The following SPAG16 variants were observed in gnomAD, a reference collection of about 807,000 sequenced individuals.
SPAG16 encodes the protein sperm associated antigen 16, also known as sperm-associated antigen 16 protein.
A neutral mutation model predicts 80.4 loss-of-function variants in SPAG16; 86 were observed. The observed-to-expected ratio is 1.07, with a 90% CI of 0.90 to 1.28. SPAG16 has a LOEUF of 1.28. SPAG16 is among the 50% of genes most tolerant of loss of function. The pLI is 0.00. For synonymous variants in SPAG16, 294 were observed against 265.9 expected, an observed-to-expected ratio of 1.11 and a Z score of -1.03; for missense variants, 870 against 765.3, an observed-to-expected ratio of 1.14 and a Z score of -1.61.
intron 10 of SPAG16, among the ~76,000 whole-genome samples, chr2:213,572,973 A>G (rs2059974569): frequency 6.6e-6 from 1 of 152,152 alleles, no homozygotes; most frequent in Non-Finnish European, 1.5e-5. Flanking sequence ...TGAAAAGCGC[A>G]ATATTCGGGT....
chr2:214,197,887 A>G (rs971016566), intron 15 of SPAG16, among the ~76,000 whole-genome samples: 1 of 151,804 alleles, frequency 6.6e-6, no homozygotes, highest in East Asian at 1.9e-4. Flanking sequence ...AATAAATATT[A>G]TCATATCGAT....
chr2:213,895,798 A>G (rs545560341), intron 11 of SPAG16, among the ~76,000 whole-genome samples: 2 of 152,312 alleles, frequency 1.3e-5, no homozygotes, highest in Admixed American at 1.3e-4. Context: ...TAAAGACTTA[A>G]ATCTCAGACC....
At chr2:214,394,594 C>T (rs1346890726) in intron 15 of SPAG16, among the ~76,000 whole-genome samples, 3 of 152,008 alleles carry the variant, frequency 2.0e-5, no homozygotes, top group Non-Finnish European at 1.5e-5. Flanking sequence ...CTTTTTAGAT[C>T]AGTTTTAGTT....
intron 9 of SPAG16, among the ~76,000 whole-genome samples, chr2:213,425,031 T>C (rs781215794): frequency 6.6e-6 from 1 of 152,202 alleles, no homozygotes; most frequent in Non-Finnish European, 1.5e-5. Context: ...TATATGAATG[T>C]GTGGCAATAT....
At chr2:213,904,879 T>G (rs2077374093) in intron 11 of SPAG16, among the ~76,000 whole-genome samples, 1 of 152,114 alleles carries the variant, frequency 6.6e-6, no homozygotes, top group Non-Finnish European at 1.5e-5. Context: ...CAGTGCTTTA[T>G]TTCGTTGTTA....
chr2:214,313,124 T>A (rs565726022), intron 15 of SPAG16, among the ~76,000 whole-genome samples: 3 of 151,196 alleles, frequency 2.0e-5, no homozygotes, highest in Admixed American at 1.3e-4. Flanking sequence ...CAAAATACTT[T>A]AAAAAAAAAC....
chr2:214,318,195 C>T (rs1695824853), intron 15 of SPAG16, among the ~76,000 whole-genome samples: 1 of 152,082 alleles, frequency 6.6e-6, no homozygotes, highest in Non-Finnish European at 1.5e-5. Context: ...ATATGCACTT[C>T]TGTGCCCATT....
intron 9 of SPAG16, among the ~76,000 whole-genome samples, chr2:213,375,504 A>G (rs1018320282): frequency 1.3e-5 from 2 of 152,104 alleles, no homozygotes; most frequent in Non-Finnish European, 2.9e-5. Context: ...TAAAGGTAGA[A>G]TGAAATAGCA....
chr2:214,409,117 TTACTG>T (rs1702159332), intron 15 of SPAG16, among the ~76,000 whole-genome samples: 1 of 151,824 alleles, frequency 6.6e-6, no homozygotes, highest in Admixed American at 6.6e-5. Context: ...TATCATTAGA[TTACTG>T]TAACGATCAT....
At chr2:213,310,334 A>G (rs2063133019) in intron 4 of SPAG16, among the ~76,000 whole-genome samples, 157 bp downstream of exon 4, 1 of 69,034 alleles carries the variant, frequency 1.4e-5, no homozygotes, top group African/African-American at 5.2e-5. Context: ...ACACACACAC[A>G]CACACACACA....
chr2:213,957,412 G>T (rs2044201874), intron 12 of SPAG16, among the ~76,000 whole-genome samples: 1 of 149,564 alleles, frequency 6.7e-6, no homozygotes, highest in Non-Finnish European at 1.5e-5. Flanking sequence ...TGTATATTTT[G>T]TCTGCTGGTA....
chr2:214,397,247 C>T (rs1322676630), intron 15 of SPAG16, among the ~76,000 whole-genome samples: 1 of 151,254 alleles, frequency 6.6e-6, no homozygotes, highest in African/African-American at 2.4e-5. Flanking sequence ...CCTCCGCCTC[C>T]TGGATTCAAG....
intron 9 of SPAG16, among the ~76,000 whole-genome samples, chr2:213,456,949 G>T (rs1226303543): frequency 1.2e-4 from 18 of 150,852 alleles, no homozygotes; most frequent in Non-Finnish European, 5.9e-5. Context: ...AACAAAGCTG[G>T]TTTTTTTAGT....
chr2:213,399,717 T>C (rs560628873), intron 9 of SPAG16, among the ~76,000 whole-genome samples: 217 of 152,144 alleles, frequency 1.4e-3, no homozygotes, highest in Middle Eastern at 0.014. Flanking sequence ...TTTTATACCC[T>C]GGAAGACCTA....
intron 11 of SPAG16, among the ~76,000 whole-genome samples, chr2:213,876,282 C>G (rs574025474): frequency 1.0e-4 from 14 of 137,292 alleles, no homozygotes; most frequent in Non-Finnish European, 1.7e-4. Flanking sequence ...GACAGAAAAT[C>G]TGACTAGTAT....
At chr2:213,404,867 C>G (rs939646289) in intron 9 of SPAG16, among the ~76,000 whole-genome samples, 2 of 151,952 alleles carry the variant, frequency 1.3e-5, no homozygotes, top group Non-Finnish European at 2.9e-5. Context: ...ATTGGTAGCT[C>G]CTTTTTACTT....
chr2:213,955,374 A>G (rs1043266780), intron 12 of SPAG16, among the ~76,000 whole-genome samples: 28 of 152,184 alleles, frequency 1.8e-4, no homozygotes, highest in African/African-American at 6.8e-4. Context: ...AGAAAGTTCA[A>G]CTGTATTCTT....
chr2:213,886,168 T>C (rs1396092728), intron 11 of SPAG16, among the ~76,000 whole-genome samples: 1 of 152,188 alleles, frequency 6.6e-6, no homozygotes, highest in Non-Finnish European at 1.5e-5. Flanking sequence ...TGGAATCTTA[T>C]GACCTACAGT....
chr2:214,328,238 C>A (rs551462619), intron 15 of SPAG16, among the ~76,000 whole-genome samples: 2 of 152,192 alleles, frequency 1.3e-5, no homozygotes, highest in South Asian at 2.1e-4. Flanking sequence ...TCACTGCAAC[C>A]TCTGCCTCCT....
Sources: allele counts gnomAD v4.1 joint callset (sites outside exome capture counted in the v4.1 genomes callset), GRCh38; gene constraint gnomAD v4.1.1; transcripts MANE v1.5; gene names NCBI Gene and HGNC (gene_info 2026-07-23, HGNC 2026-07-21).